The following SLCO1B3 variants were observed in gnomAD, a reference collection of about 807,000 sequenced individuals.
SLCO1B3 encodes solute carrier organic anion transporter family member 1B3, also known as liver-specific organic anion transporter 2.
A neutral mutation model predicts 71.8 loss-of-function variants in SLCO1B3; 72 were observed. The ratio of observed to expected loss-of-function variants is 1.00; its 90% CI spans 0.83 to 1.22. The LOEUF is 1.22. SLCO1B3 is among the 50% of genes most tolerant of loss of function. SLCO1B3 has a pLI of 0.00. For missense variants in SLCO1B3, 911 were observed against 819.7 expected (o/e 1.11, Z -1.36); for synonymous variants, 298 against 278.4 (o/e 1.07, Z -0.70).
rs567460667 is a variant in SLCO1B3 at position 20,833,806 on chromosome 12, GTATA to G, written c.84+17988_84+17991del. On this transcript the variant is annotated intron_variant, in intron 3 of 15. Transcript: ENST00000381545. ...TCTCTCTATTTCATAAAGTGTGTGTGTATATATCTATATATGCACACACACAGTT... is the reference window on the plus strand; with the variant it reads ...TCTCTCTATTTCATAAAGTGTGTGTGTATCTATATATGCACACACACAGTT... 2.0e-3 allele frequency among the ~76,000 whole-genome samples: 296 copies of G among 147,078 alleles called. 2 individuals carry two copies. Among genetic ancestry groups the G allele is most frequent in the African/African-American group, 7.1e-3 (289 of 40,608 alleles).
chr12:20,844,115 A>C (rs1280829443), intron 3 of SLCO1B3, among the ~76,000 whole-genome samples: 1 of 151,792 alleles, frequency 6.6e-6, no homozygotes, highest in Non-Finnish European at 1.5e-5. Context: ...TTAAACATAT[A>C]TATATAGTAT....
intron 4 of SLCO1B3, 111 bp from the exon 5 acceptor site, chr12:20,858,328 T>A: frequency 1.4e-6 from 1 of 721,794 alleles, no homozygotes; most frequent in Non-Finnish European, 2.3e-6. Flanking sequence ...TACATGGTCT[T>A]TGAGGGAAGG....
chr12:20,846,701 G>C (rs2033513), intron 3 of SLCO1B3, among the ~76,000 whole-genome samples: 110,113 of 152,026 alleles, frequency 0.72, 42,465 homozygotes, highest in South Asian at 0.9. Flanking sequence ...GTGTAGTCAA[G>C]TCTAAGCTTC....
intron 1 of SLCO1B3, among the ~76,000 whole-genome samples, chr12:20,811,042 T>C (rs1436230694): frequency 6.6e-6 from 1 of 152,174 alleles, no homozygotes; most frequent in South Asian, 2.1e-4. Flanking sequence ...TCTAAACAAA[T>C]GAAACATGAA....
intron 3 of SLCO1B3, among the ~76,000 whole-genome samples, chr12:20,853,417 T>G (rs2121216043): frequency 6.6e-6 from 1 of 152,168 alleles, no homozygotes; most frequent in South Asian, 2.1e-4. Context: ...TAATTATAGT[T>G]CTGTTCAGAT....
intron 3 of SLCO1B3, among the ~76,000 whole-genome samples, chr12:20,825,707 G>A (rs1409871969): frequency 1.3e-5 from 2 of 150,020 alleles, no homozygotes; most frequent in Non-Finnish European, 3.0e-5. Flanking sequence ...GCTAAGACAG[G>A]AGAATTGCTT....
intron 13 of SLCO1B3, among the ~76,000 whole-genome samples, chr12:20,890,837 C>A (rs1480599593): frequency 6.6e-6 from 1 of 152,024 alleles, no homozygotes; most frequent in East Asian, 1.9e-4. Flanking sequence ...TACTACTGCT[C>A]TGATTTGGTT....
chr12:20,834,083 T>C (rs895258161), intron 3 of SLCO1B3, among the ~76,000 whole-genome samples: 22 of 145,874 alleles, frequency 1.5e-4, no homozygotes, highest in Non-Finnish European at 3.1e-4. Context: ...TATATATAAA[T>C]ATATACACAT....
chr12:20,872,454 G>A (rs1865493202), intron 8 of SLCO1B3, among the ~76,000 whole-genome samples: 1 of 151,984 alleles, frequency 6.6e-6, no homozygotes, highest in Non-Finnish European at 1.5e-5. Context: ...TAAGGTGCAA[G>A]ACAAAGTCGC....
At chr12:20,915,602 C>T (rs1032495985) in intron 15 of SLCO1B3, among the ~76,000 whole-genome samples, 123 of 152,186 alleles carry the variant, frequency 8.1e-4, no homozygotes, top group African/African-American at 1.8e-3. Flanking sequence ...TGGTGTAAGG[C>T]GATGAAGACA....
intron 3 of SLCO1B3, among the ~76,000 whole-genome samples, chr12:20,846,151 A>G (rs2417945): frequency 0.72 from 109,518 of 151,436 alleles, 42,159 homozygotes; most frequent in South Asian, 0.9. Flanking sequence ...AACATTCACT[A>G]TATTTTCATT....
At chr12:20,893,181 G>A (rs777071151) in intron 13 of SLCO1B3, among the ~76,000 whole-genome samples, 7 of 152,106 alleles carry the variant, frequency 4.6e-5, no homozygotes, top group Non-Finnish European at 7.4e-5. Context: ...CCAAAATGGA[G>A]AATTTTAAAA....
intron 8 of SLCO1B3, among the ~76,000 whole-genome samples, chr12:20,869,993 C>T (rs928205966): frequency 6.6e-6 from 1 of 152,104 alleles, no homozygotes; most frequent in African/African-American, 2.4e-5. Flanking sequence ...TATGCCAACA[C>T]TTTTCTCATT....
At position 20,880,963 on chromosome 12, in the gene SLCO1B3, TTACC is replaced by T. The variant is rs1453942531; in HGVS notation, c.1442_1445del (p.Tyr481CysfsTer5). Reference sequence around the variant, plus strand: ...CAGTCTGTGGGAACAATGGAATAACTTACCTGTCACCTTGTCTAGCAGGATGCAA... The same window carrying T: ...CAGTCTGTGGGAACAATGGAATAACTTGTCACCTTGTCTAGCAGGATGCAA... On this transcript the variant is annotated frameshift_variant, in exon 12 of 16. Coordinates refer to ENST00000381545, the MANE Select transcript of SLCO1B3 (RefSeq NM_019844.4). LOFTEE classifies it high-confidence loss of function. The T allele has an allele frequency of 1.2e-5, 19 of 1,612,774 alleles. No individual in the cohort carries two copies. Among genetic ancestry groups the T allele is most frequent in the Non-Finnish European group, 1.4e-5 (17 of 1,178,944 alleles).
At chr12:20,858,813 A>C (rs1298626992) in intron 5 of SLCO1B3, 1 of 228,226 alleles carries the variant, frequency 4.4e-6, no homozygotes. Flanking sequence ...TAAGGTATAC[A>C]GTTTTATATG....
intron 9 of SLCO1B3, among the ~76,000 whole-genome samples, chr12:20,875,864 A>G (rs955033728): frequency 6.6e-6 from 1 of 151,972 alleles, no homozygotes; most frequent in African/African-American, 2.4e-5. Context: ...GTAATAGAAC[A>G]TTGCCTTTAT....
chr12:20,870,220 A>G (rs754184594), intron 8 of SLCO1B3, among the ~76,000 whole-genome samples: 7 of 152,044 alleles, frequency 4.6e-5, no homozygotes, highest in Non-Finnish European at 5.9e-5. Flanking sequence ...TTTTTTGTAC[A>G]TTTTAGAAAT....
At chr12:20,854,588 A>G (rs1291143751) in intron 3 of SLCO1B3, among the ~76,000 whole-genome samples, 2 of 152,106 alleles carry the variant, frequency 1.3e-5, no homozygotes, top group Admixed American at 1.3e-4. Flanking sequence ...GTTGGTCATA[A>G]AATTCCTCTT....
intron 15 of SLCO1B3, among the ~76,000 whole-genome samples, chr12:20,907,204 G>A (rs1446455189): frequency 6.6e-6 from 1 of 151,956 alleles, no homozygotes. Context: ...AAACTCCCTG[G>A]ATCTAATTTA....
Sources: allele counts gnomAD v4.1 joint callset (sites outside exome capture counted in the v4.1 genomes callset), GRCh38; gene constraint gnomAD v4.1.1; transcripts MANE v1.5; gene names NCBI Gene and HGNC (gene_info 2026-07-23, HGNC 2026-07-21).